Variants in NLRP8 observed in about 807,000 individuals in gnomAD.
The protein encoded by NLRP8 is NLR family pyrin domain containing 8.
A neutral mutation model predicts 88.7 loss-of-function variants in NLRP8; 86 were observed. The ratio of observed to expected loss-of-function variants is 0.97; its 90% CI spans 0.81 to 1.16. The LOEUF is 1.16. Ranked by LOEUF, NLRP8 falls within the 50% of genes most tolerant of loss-of-function variation. The pLI is 0.00. For synonymous variants in NLRP8, 504 were observed against 494.6 expected (o/e 1.02, Z -0.25); for missense variants, 1,342 against 1,286.5 (o/e 1.04, Z -0.66).
Position 55,966,413 on chromosome 19 carries a change from C to T in NLRP8, c.2381+33C>T, listed in dbSNP as rs199688350. ...TTGAGAGGGGGGTTAGAGTGGGAAC[C>T]GGGGTACCCGGATGGTCTTTTCAAG... On this transcript the variant is annotated intron_variant, in intron 5 of 9. Transcript: ENST00000291971. 9.2e-5 allele frequency: 147 copies of T among 1,603,364 alleles called. 1 individual carries two copies. In the East Asian group the frequency reaches 9.8e-4, roughly 11 times the overall value.
At position 55,986,473 on chromosome 19, in the gene NLRP8, T is replaced by C. The variant is rs12709952; in HGVS notation, c.3048-1341T>C. Among the ~76,000 whole-genome samples, 347 of 72,494 alleles carry C rather than the reference T, an allele frequency of 4.8e-3. 3 individuals are homozygous for C. Among genetic ancestry groups the C allele is most frequent in the Admixed American group, 8.6e-3 (62 of 7,194 alleles). The allele number at this position is 72,494 out of a possible 152,430, so 47.6% of individuals were successfully genotyped here. On this transcript the variant is annotated intron_variant, in intron 9 of 9. Coordinates refer to ENST00000291971, the MANE Select transcript of NLRP8 (RefSeq NM_176811.2). ...TCTCTCACACACACACTCTCTCACA[T>C]ACACACACACACACACACACACACA...
At chr19:55,972,359 C>T (rs924592751) in intron 6 of NLRP8, among the ~76,000 whole-genome samples, 109 of 152,092 alleles carry the variant, frequency 7.2e-4, no homozygotes, top group African/African-American at 2.6e-3. Flanking sequence ...AGGTGATCCA[C>T]CTGCCTCGAC....
chr19:55,977,438 C>T (rs1980398088), intron 8 of NLRP8, among the ~76,000 whole-genome samples: 1 of 140,152 alleles, frequency 7.1e-6, no homozygotes, highest in Non-Finnish European at 1.5e-5. Flanking sequence ...ATATATTATA[C>T]ATTATATACT....
In NLRP8 at chr19:55,976,194, A is replaced by T; in HGVS notation, c.2767A>T (p.Asn923Tyr). The change falls in exon 8 of 10, where the codon AAT (asparagine) becomes TAT (tyrosine). Residue 923 changes from asparagine (N) to tyrosine (Y), a missense_variant. Physicochemically the swap from Asn to Tyr is moderately radical, Grantham distance 143 (BLOSUM62 -2). Transcript: ENST00000291971. The stretch of plus-strand genomic sequence containing the variant: ...GGATATGATCTCTGCGCTCTGTAAA[A>T]ATAAAACCCTGAAAAGTCTTGACCT... The T allele has an allele frequency of 1.2e-6, 2 of 1,613,810 alleles. No individual in the cohort carries two copies. Among genetic ancestry groups the T allele is most frequent in the South Asian group, 2.2e-5 (2 of 91,020 alleles).
chr19:55,949,385 G>A lies in NLRP8; in HGVS notation c.367+1116G>A, dbSNP rs149794335. 9.9e-3 allele frequency among the ~76,000 whole-genome samples: 1,500 copies of A among 151,832 alleles called. 51 individuals carry two copies. Among genetic ancestry groups the A allele is most frequent in the East Asian group, 0.061 (315 of 5,146 alleles). Reference sequence around the variant, plus strand: ...CCCCAGTAGCTGGGATTACAGGTGCGCACCACCACACCCAGCTAATTTTTG... The same window carrying A: ...CCCCAGTAGCTGGGATTACAGGTGCACACCACCACACCCAGCTAATTTTTG... On this transcript the variant is annotated intron_variant, in intron 1 of 9. Transcript: ENST00000291971.
intron 3 of NLRP8, among the ~76,000 whole-genome samples, chr19:55,956,687 G>A (rs914985745): frequency 6.6e-6 from 1 of 152,116 alleles, no homozygotes; most frequent in Non-Finnish European, 1.5e-5. Flanking sequence ...CTGGGATATA[G>A]GACTTTCCGT....
In NLRP8 at chr19:55,949,015, G is replaced by T. The variant is rs559891221; in HGVS notation, c.367+746G>T. 9.2e-5 allele frequency among the ~76,000 whole-genome samples: 14 copies of T among 152,264 alleles called. No homozygotes were observed. The South Asian group carries it at 2.9e-3, about 32-fold the overall frequency. ...CTTCAATATGAATAAAGCAGAGCTG[G>T]ACTACAGTCATCCCCTTATCCAAGG... On this transcript the variant is annotated intron_variant, in intron 1 of 9. Coordinates refer to ENST00000291971, the MANE Select transcript of NLRP8 (RefSeq NM_176811.2).
At chr19:55,973,895 T>G in intron 7 of NLRP8, 73 bp downstream of exon 7, 1 of 1,420,840 alleles carries the variant, frequency 7.0e-7, no homozygotes, top group Non-Finnish European at 9.6e-7. Flanking sequence ...CTGTTATATA[T>G]TCATTTATGT....
intron 7 of NLRP8, among the ~76,000 whole-genome samples, chr19:55,974,651 G>A (rs1048543041): frequency 6.6e-6 from 1 of 151,272 alleles, no homozygotes; most frequent in Non-Finnish European, 1.5e-5. Context: ...CAGGAGAATG[G>A]CATGAACCCG....
chr19:55,976,203 CT>C lies in NLRP8; in HGVS notation c.2777del (p.Leu926ArgfsTer6). On this transcript the variant is annotated frameshift_variant, in exon 8 of 10. Transcript: ENST00000291971. LOFTEE classifies it high-confidence loss of function. The stretch of plus-strand genomic sequence containing the variant: ...CTCTGCGCTCTGTAAAAATAAAACC[CT>C]GAAAAGTCTTGACCTAAGTTTTAAT... The C allele has an allele frequency of 6.2e-7, 1 of 1,613,716 alleles. No homozygotes were observed. Among genetic ancestry groups the C allele is most frequent in the Non-Finnish European group, 8.5e-7 (1 of 1,179,928 alleles).
intron 6 of NLRP8, among the ~76,000 whole-genome samples, chr19:55,973,286 G>C (rs566275963): frequency 1.3e-5 from 2 of 151,934 alleles, no homozygotes; most frequent in African/African-American, 4.8e-5. Flanking sequence ...CCCACTTTTT[G>C]ATGGGATTTT....
intron 1 of NLRP8, among the ~76,000 whole-genome samples, chr19:55,952,015 G>A (rs541112994): frequency 4.6e-5 from 7 of 152,290 alleles, no homozygotes; most frequent in African/African-American, 1.4e-4. Flanking sequence ...GCCTCCCAAA[G>A]TGCTGGGATT....
At position 55,976,139 on chromosome 19, in the gene NLRP8, A is replaced by T; in HGVS notation, c.2712A>T (p.Arg904Ser). ...AACCTGTGTTTCTTTGCAGACTGAG[A>T]AAGTGTGACTTGACCTTTAATTGCT... The change falls in exon 8 of 10, where the codon AGA becomes AGT. Residue 904 changes from arginine to serine, a missense_variant. Transcript: ENST00000291971. The T allele has an allele frequency of 6.3e-7, 1 of 1,599,246 alleles. No homozygotes were observed. The highest frequency in any genetic ancestry group is 8.5e-7 in the Non-Finnish European group (1 of 1,175,694).
intron 9 of NLRP8, among the ~76,000 whole-genome samples, chr19:55,986,103 A>C (rs1305107360): frequency 6.6e-6 from 1 of 152,208 alleles, no homozygotes; most frequent in Admixed American, 6.5e-5. Context: ...CAAAAAAATA[A>C]GTATTCAAGG....
At chr19:55,959,438 T>G (rs1568461649) in intron 3 of NLRP8, among the ~76,000 whole-genome samples, 1 of 151,512 alleles carries the variant, frequency 6.6e-6, no homozygotes, top group African/African-American at 2.4e-5. Context: ...GGTCTTGATC[T>G]CCTGACCTCA....
intron 3 of NLRP8, 22 bp from the exon 4 acceptor site, chr19:55,962,043 TTC>T (rs759545945): frequency 3.1e-6 from 5 of 1,606,140 alleles, no homozygotes; most frequent in Non-Finnish European, 4.3e-6. Context: ...AAGAGGTGTT[TTC>T]TCTCTTCTCC....
At chr19:55,958,683 C>G (rs528326337) in intron 3 of NLRP8, among the ~76,000 whole-genome samples, 2 of 152,252 alleles carry the variant, frequency 1.3e-5, no homozygotes, top group East Asian at 3.9e-4. Flanking sequence ...AAAAATTTGC[C>G]AACCCCTGCT....
chr19:55,956,011 G>T lies in NLRP8; in HGVS notation c.1953G>T (p.Arg651=), dbSNP rs1008426704. The stretch of plus-strand genomic sequence containing the variant: ...AAGTGTCTGCTTTTTGCCTGAAGCG[G>T]TGTCAATATTTGCATGAGGTGGAAC... The change falls in exon 3 of 10, where the codon CGG becomes CGT. Residue 651 remains arginine (R), a synonymous_variant. Transcript: ENST00000291971. 6.2e-7 allele frequency: 1 copy of T among 1,614,004 alleles called. No homozygotes were observed. The highest frequency in any genetic ancestry group is 1.3e-5 in the African/African-American group (1 of 74,910).
intron 9 of NLRP8, among the ~76,000 whole-genome samples, chr19:55,981,947 A>G (rs1980593212): frequency 1.3e-5 from 2 of 151,116 alleles, no homozygotes; most frequent in Admixed American, 6.6e-5. Flanking sequence ...CTGTCACCAC[A>G]CTGGAGTGCA....
Sources: gnomAD v4.1 joint callset for allele counts (sites outside exome capture counted in the v4.1 genomes callset) on GRCh38, gnomAD v4.1.1 for gene constraint, MANE v1.5 for transcripts, NCBI Gene and HGNC (gene_info 2026-07-23, HGNC 2026-07-21) for gene names.